The following USP15 variants were observed in gnomAD, a reference collection of about 807,000 sequenced individuals.
USP15 encodes the protein ubiquitin carboxyl-terminal hydrolase 15.
Under a neutral mutation model 127.1 loss-of-function variants are expected in USP15, and 18 were observed. The ratio of observed to expected loss-of-function variants is 0.14; its 90% CI spans 0.10 to 0.21. The LOEUF is 0.21. Among genes scored for constraint, USP15 ranks in the 10% least tolerant of loss-of-function variants. The pLI is 1.00. For synonymous variants in USP15, 364 were observed against 393.7 expected, an observed-to-expected ratio of 0.92 and a Z score of 0.89; for missense variants, 805 against 1,159.9, an observed-to-expected ratio of 0.69 and a Z score of 4.44.
intron 8 of USP15, among the ~76,000 whole-genome samples, chr12:62,370,253 C>G (rs901312157): frequency 6.6e-6 from 1 of 152,154 alleles, no homozygotes; most frequent in African/African-American, 2.4e-5. Flanking sequence ...TTTAACCTCA[C>G]CTCTTCACTG....
intron 1 of USP15, among the ~76,000 whole-genome samples, chr12:62,285,742 A>C (rs192542795): frequency 1.3e-5 from 2 of 152,310 alleles, no homozygotes; most frequent in East Asian, 3.8e-4. Flanking sequence ...TGCTGTGATA[A>C]ACATACAAGT....
intron 3 of USP15, among the ~76,000 whole-genome samples, chr12:62,304,267 A>G (rs1333660892): frequency 6.6e-6 from 1 of 152,180 alleles, no homozygotes; most frequent in Non-Finnish European, 1.5e-5. Flanking sequence ...AGAAGAAAAA[A>G]CATTGACAAA....
chr12:62,283,445 G>T (rs895404494), intron 1 of USP15, among the ~76,000 whole-genome samples: 2 of 152,240 alleles, frequency 1.3e-5, no homozygotes, highest in Admixed American at 6.5e-5. Flanking sequence ...AAAAATGTTT[G>T]CTGTCTCTTC....
intron 18 of USP15, 150 bp from the exon 19 acceptor site, chr12:62,392,903 A>G (rs1252549920): frequency 1.4e-6 from 1 of 713,294 alleles, no homozygotes; most frequent in Non-Finnish European, 2.2e-6. Context: ...TAAAAATAAT[A>G]AGAGTTGCTT....
chr12:62,357,811 C>T (rs1238187244), intron 8 of USP15, among the ~76,000 whole-genome samples: 2 of 152,006 alleles, frequency 1.3e-5, no homozygotes, highest in African/African-American at 4.8e-5. Context: ...TGTCAGCTCT[C>T]GAGCTGAAAA....
At chr12:62,286,798 G>A (rs7974973) in intron 1 of USP15, among the ~76,000 whole-genome samples, 33,976 of 151,840 alleles carry the variant, frequency 0.22, 4,111 homozygotes, top group African/African-American at 0.33. Context: ...TTAGCCAGGC[G>A]AGGTGGCGCA....
chr12:62,414,976 A>ATACATATATAGCATATATG lies in USP15; in HGVS notation c.*10611_*10612insGCATATATGTACATATATA, dbSNP rs2068122163. 6.8e-6 allele frequency: 1 copy of ATACATATATAGCATATATG among 147,158 alleles called. No individual in the cohort carries two copies. Among genetic ancestry groups the ATACATATATAGCATATATG allele is most frequent in the Non-Finnish European group, 1.5e-5 (1 of 67,000 alleles). The allele number at this position is 147,158 out of a possible 1,614,324, so 9.1% of individuals were successfully genotyped here. ...CCTCATATATACACATATCATGTATATACATATATATCATATATGTACATA... is the reference window on the plus strand; with the variant it reads ...CCTCATATATACACATATCATGTATATACATATATAGCATATATGTACATATATATCATATATGTACATA... On this transcript the variant is annotated 3_prime_UTR_variant, in exon 22 of 22. Transcript: ENST00000280377.
intron 1 of USP15, among the ~76,000 whole-genome samples, chr12:62,270,502 A>G (rs1206674116): frequency 6.6e-6 from 1 of 152,054 alleles, no homozygotes; most frequent in Non-Finnish European, 1.5e-5. Context: ...TGGCTCTTAC[A>G]TTTAAGTCTG....
At chr12:62,354,813 G>A (rs547839125) in intron 7 of USP15, among the ~76,000 whole-genome samples, 4 of 151,946 alleles carry the variant, frequency 2.6e-5, no homozygotes, top group South Asian at 2.1e-4. Context: ...TGCTGGTCTC[G>A]CATAGAAACT....
intron 6 of USP15, chr12:62,336,191 T>G: frequency 1.0e-6 from 1 of 985,360 alleles, no homozygotes; most frequent in Non-Finnish European, 1.2e-6. Flanking sequence ...ATGCTAATCC[T>G]CTCCCCCAGC....
At chr12:62,270,322 C>T (rs776666550) in intron 1 of USP15, among the ~76,000 whole-genome samples, 3 of 151,834 alleles carry the variant, frequency 2.0e-5, no homozygotes, top group Non-Finnish European at 4.4e-5. Flanking sequence ...TTTCTTTTTA[C>T]TTTCTTGGTA....
At chr12:62,319,650 A>G (rs909350357) in intron 4 of USP15, among the ~76,000 whole-genome samples, 1 of 151,936 alleles carries the variant, frequency 6.6e-6, no homozygotes, top group Non-Finnish European at 1.5e-5. Flanking sequence ...TTGCGTTACT[A>G]CCCCTATGCC....
intron 8 of USP15, among the ~76,000 whole-genome samples, chr12:62,363,856 T>C (rs1399271002): frequency 6.6e-6 from 1 of 152,176 alleles, no homozygotes; most frequent in Non-Finnish European, 1.5e-5. Context: ...TTTTGGCTTA[T>C]ATATCATAAT....
intron 6 of USP15, among the ~76,000 whole-genome samples, chr12:62,331,981 A>G (rs577440894): frequency 6.6e-6 from 1 of 152,182 alleles, no homozygotes; most frequent in East Asian, 1.9e-4. Flanking sequence ...CCTGGCCAAC[A>G]TGGTGAAACC....
chr12:62,370,548 G>A (rs1216341427), intron 8 of USP15, among the ~76,000 whole-genome samples: 1 of 152,118 alleles, frequency 6.6e-6, no homozygotes, highest in Non-Finnish European at 1.5e-5. Context: ...GTGAAATGAA[G>A]ATAAAGTGCT....
At position 62,405,764 on chromosome 12, in the gene USP15, A is replaced by G. The variant is rs1339593619; in HGVS notation, c.*1389A>G. 1 of 152,588 alleles carries G rather than the reference A, an allele frequency of 6.6e-6. No homozygotes were observed. Among genetic ancestry groups the G allele is most frequent in the Non-Finnish European group, 1.5e-5 (1 of 68,010 alleles). The allele number at this position is 152,588 out of a possible 1,614,324, so 9.5% of individuals were successfully genotyped here. A position where few individuals can be genotyped will look rare whatever the true frequency, so the allele number is the denominator to read the frequency against. ...AATGTTCTTCACTTGAACTAATCAA[A>G]TACAATAGATTATAAATTGTGTATT... On this transcript the variant is annotated 3_prime_UTR_variant, in exon 22 of 22. Coordinates refer to ENST00000280377, the MANE Select transcript of USP15 (RefSeq NM_001252078.2).
chr12:62,338,971 A>G (rs928373213), intron 6 of USP15, among the ~76,000 whole-genome samples: 4 of 152,152 alleles, frequency 2.6e-5, no homozygotes, highest in Non-Finnish European at 4.4e-5. Flanking sequence ...TTTGTTTCAC[A>G]TGAAATTTAA....
chr12:62,371,099 T>C (rs1385610957), intron 8 of USP15, among the ~76,000 whole-genome samples: 1 of 152,200 alleles, frequency 6.6e-6, no homozygotes, highest in Non-Finnish European at 1.5e-5. Flanking sequence ...ATACAGTGCT[T>C]CCAAATTTAT....
At position 62,411,681 on chromosome 12, in the gene USP15, A is replaced by C. The variant is rs1457712800; in HGVS notation, c.*7306A>C. 6.6e-6 allele frequency: 1 copy of C among 152,198 alleles called. No homozygotes were observed. The highest frequency in any genetic ancestry group is 1.5e-5 in the Non-Finnish European group (1 of 68,054). The allele number at this position is 152,198 out of a possible 1,614,324, so 9.4% of individuals were successfully genotyped here. A position where few individuals can be genotyped will look rare whatever the true frequency, so the allele number is the denominator to read the frequency against. ...GCTCAGGCTGCCATAACAAACACAGACTGGGTGGCTTAAATAACAGAAATT... is the reference window on the plus strand; with the variant it reads ...GCTCAGGCTGCCATAACAAACACAGCCTGGGTGGCTTAAATAACAGAAATT... On this transcript the variant is annotated 3_prime_UTR_variant, in exon 22 of 22. Coordinates refer to ENST00000280377, the MANE Select transcript of USP15 (RefSeq NM_001252078.2).
Sources: gnomAD v4.1 joint callset for allele counts (sites outside exome capture counted in the v4.1 genomes callset) on GRCh38, gnomAD v4.1.1 for gene constraint, MANE v1.5 for transcripts, NCBI Gene and HGNC (gene_info 2026-07-23, HGNC 2026-07-21) for gene names.